CAMSAP1: variants seen among roughly 807,000 people sequenced by gnomAD.
The protein encoded by CAMSAP1 is calmodulin regulated spectrin associated protein 1.
In CAMSAP1, 58 loss-of-function variants were observed where a neutral mutation model predicts 143.5. The ratio of observed to expected loss-of-function variants is 0.40; its 90% CI spans 0.33 to 0.50. The LOEUF is 0.50. Ranked by LOEUF, CAMSAP1 falls within the 20% of genes least tolerant of loss-of-function variation. The probability of loss-of-function intolerance (pLI) is 0.45; values close to 1 mark genes in which losing one functional copy is unlikely to be tolerated. For synonymous variants in CAMSAP1, 945 were observed against 859.3 expected, an observed-to-expected ratio of 1.10 and a Z score of -1.74; for missense variants, 1,969 against 2,115.7, an observed-to-expected ratio of 0.93 and a Z score of 1.36.
In CAMSAP1 at chr9:135,821,806, G is replaced by C. The variant is rs1422507972; in HGVS notation, c.2855C>G (p.Ser952Cys). 6.2e-7 allele frequency: 1 copy of C among 1,613,994 alleles called. No individual in the cohort carries two copies. The highest frequency in any genetic ancestry group is 8.5e-7 in the Non-Finnish European group (1 of 1,179,892). ...HNGEDCGDAVSKTEDFLVKEE... is the reference protein window; with the variant it reads ...HNGEDCGDAVCKTEDFLVKEE... ...CTTCACGAGAAAGTCTTCGGTTTTG[G>C]AAACAGCGTCCCCACAGTCCTCCCC... The change falls in exon 11 of 17, where the codon TCC becomes TGC. Residue 952 changes from serine to cysteine, a missense_variant. Transcript: ENST00000389532. The surrounding 1 kb of genome is among the most constrained non-coding windows in gnomAD (Gnocchi z 4.6).
At chr9:135,903,360 T>A (rs984118132) in intron 1 of CAMSAP1, among the ~76,000 whole-genome samples, 18 of 152,194 alleles carry the variant, frequency 1.2e-4, no homozygotes, top group African/African-American at 4.3e-4. Context: ...ACACTGTCAA[T>A]GAAACAAGAG....
intron 3 of CAMSAP1, among the ~76,000 whole-genome samples, chr9:135,879,169 G>C (rs547412298): frequency 1.3e-5 from 2 of 152,256 alleles, no homozygotes; most frequent in South Asian, 4.1e-4. Context: ...AGTAGATCAT[G>C]TCCACAAATG....
rs1837982285 is a variant in CAMSAP1 at position 135,882,182 on chromosome 9, C to A, written c.424-388G>T. 6.6e-6 allele frequency among the ~76,000 whole-genome samples: 1 copy of A among 152,182 alleles called. No homozygotes were observed. The highest frequency in any genetic ancestry group is 2.4e-5 in the African/African-American group (1 of 41,434). On this transcript the variant is annotated intron_variant, in intron 2 of 16. Transcript: ENST00000389532. The surrounding 1 kb of genome is among the most constrained non-coding windows in gnomAD (Gnocchi z 4.9). Reference sequence around the variant, plus strand: ...GACCTGCCCCAGGCCAACTGCCCACCAGAGGCCTCTGGCTCCTAGTCCAGA... The same window carrying A: ...GACCTGCCCCAGGCCAACTGCCCACAAGAGGCCTCTGGCTCCTAGTCCAGA...
chr9:135,828,249 G>A (rs1309375129), intron 7 of CAMSAP1, among the ~76,000 whole-genome samples: 1 of 152,250 alleles, frequency 6.6e-6, no homozygotes, highest in Non-Finnish European at 1.5e-5. Context: ...ACCTATGGGA[G>A]GTGGTGCCAG....
At position 135,811,176 on chromosome 9, in the gene CAMSAP1, C is replaced by T; in HGVS notation, c.*133G>A. 3 of 1,055,518 alleles carry T rather than the reference C, an allele frequency of 2.8e-6. No homozygotes were observed. Among genetic ancestry groups the T allele is most frequent in the Non-Finnish European group, 4.1e-6 (3 of 737,596 alleles). 65.4% of individuals were successfully genotyped at this position (1,055,518 alleles called of 1,614,324 possible). A position where few individuals can be genotyped will look rare whatever the true frequency, so the allele number is the denominator to read the frequency against. ...GTCTAGAAACCTCTTTGCAAAAGGT[C>T]TGTGACTTTGCACACTTCGTACCCA... is the stretch of plus-strand genomic sequence containing the variant. On this transcript the variant is annotated 3_prime_UTR_variant, in exon 17 of 17. Transcript: ENST00000389532. This position sits in a 1 kb window ranked among gnomAD's most constrained non-coding sequence, Gnocchi z 4.9.
At chr9:135,827,613 C>A in intron 7 of CAMSAP1, 29 bp from the exon 8 acceptor site, 2 of 1,524,316 alleles carry the variant, frequency 1.3e-6, no homozygotes, top group Non-Finnish European at 1.8e-6. Context: ...TGCATCGTTA[C>A]TTACAACACT....
chr9:135,889,979 C>T (rs1348111191), intron 1 of CAMSAP1, among the ~76,000 whole-genome samples: 1 of 152,208 alleles, frequency 6.6e-6, no homozygotes, highest in African/African-American at 2.4e-5. Flanking sequence ...ACAAACTGCA[C>T]AGCCTGAGCC....
At chr9:135,901,559 A>G (rs1370111939) in intron 1 of CAMSAP1, among the ~76,000 whole-genome samples, 1 of 152,078 alleles carries the variant, frequency 6.6e-6, no homozygotes, top group Non-Finnish European at 1.5e-5. Context: ...AGGCTGCAGT[A>G]AGCTGTGATC....
intron 3 of CAMSAP1, among the ~76,000 whole-genome samples, chr9:135,872,101 C>CA (rs909060511): frequency 6.4e-4 from 91 of 142,198 alleles, no homozygotes; most frequent in South Asian, 1.1e-3. Context: ...ACTCCCATCT[C>CA]AAAAAAAAAA....
intron 7 of CAMSAP1, among the ~76,000 whole-genome samples, chr9:135,834,205 G>C (rs1409016717): frequency 1.3e-5 from 2 of 152,140 alleles, no homozygotes; most frequent in Non-Finnish European, 2.9e-5. Flanking sequence ...ACTGTTGGTG[G>C]GAACACAAAT....
At chr9:135,838,443 C>A (rs980791150) in intron 7 of CAMSAP1, among the ~76,000 whole-genome samples, 2 of 148,034 alleles carry the variant, frequency 1.4e-5, no homozygotes, top group African/African-American at 5.0e-5. Flanking sequence ...AGACACACAT[C>A]ATCACGCACT....
In CAMSAP1 at chr9:135,881,736, C is replaced by T. The variant is rs1386945127; in HGVS notation, c.482G>A (p.Ser161Asn). 2.6e-6 allele frequency: 4 copies of T among 1,551,876 alleles called. No individual in the cohort carries two copies. The South Asian group carries it at 4.8e-5, about 18-fold the overall frequency. ...LMMAYTVEMI[S>N]IEKVVASVKR... Reference sequence around the variant, plus strand: ...GACACTGGCCACCACCTTCTCGATGCTGATCATCTCCACAGTGTAGGCCAT... The same window carrying T: ...GACACTGGCCACCACCTTCTCGATGTTGATCATCTCCACAGTGTAGGCCAT... Residue 161 changes from serine (S) to asparagine (N), a missense_variant, in exon 3 of 17, where the codon AGC becomes AAC. Ser to Asn is a conservative substitution (Grantham distance 46, BLOSUM62 1). Transcript: ENST00000389532.
intron 1 of CAMSAP1, among the ~76,000 whole-genome samples, chr9:135,904,055 G>A (rs994610955): frequency 6.6e-6 from 1 of 152,202 alleles, no homozygotes; most frequent in Non-Finnish European, 1.5e-5. Context: ...TTTAAAGAGA[G>A]TCTCAATTTT....
Position 135,818,216 on chromosome 9 carries a change from C to A in CAMSAP1, c.4169-137G>T, listed in dbSNP as rs907388635. 28 of 1,144,188 alleles carry A rather than the reference C, an allele frequency of 2.4e-5. No individual in the cohort carries two copies. The highest frequency in any genetic ancestry group is 3.1e-5 in the Non-Finnish European group (25 of 812,144). 70.9% of individuals were successfully genotyped at this position (1,144,188 alleles called of 1,614,324 possible). ...GCGTCCCCACCCCATCCCGGGGAGCCGGGCTGCGCCTGGATGTGCCGCACA... is the reference window on the plus strand; with the variant it reads ...GCGTCCCCACCCCATCCCGGGGAGCAGGGCTGCGCCTGGATGTGCCGCACA... On this transcript the variant is annotated intron_variant, in intron 13 of 16. Coordinates refer to ENST00000389532, the MANE Select transcript of CAMSAP1 (RefSeq NM_015447.4). The surrounding 1 kb of genome is among the most constrained non-coding windows in gnomAD (Gnocchi z 7.7).
chr9:135,836,498 A>ACACTTTCTACCCTGTTCTACAGACACACC (rs1836046517), intron 7 of CAMSAP1: 1 of 976,582 alleles, frequency 1.0e-6, no homozygotes, highest in African/African-American at 1.9e-5. Context: ...ACAGACACAC[A>ACACTTTCTACCCTGTTCTACAGACACACC]TCACCACGCA....
rs537913732 is a variant in CAMSAP1, at chr9:135,905,735, AAAG to A, written c.160+1262_160+1264del. Among the ~76,000 whole-genome samples the A allele has an allele frequency of 3.0e-3, 450 of 152,386 alleles. 2 individuals carry two copies. The highest frequency in any genetic ancestry group is 5.1e-3 in the Non-Finnish European group (349 of 68,044). On this transcript the variant is annotated intron_variant, in intron 1 of 16. Coordinates refer to ENST00000389532, the MANE Select transcript of CAMSAP1 (RefSeq NM_015447.4). ...GGTGTAAGCACATGCGGCAAAATAC[AAAG>A]AAAAGCAAAACAGTGACTAACACAA...
intron 1 of CAMSAP1, among the ~76,000 whole-genome samples, chr9:135,906,207 T>C (rs1588518577): frequency 6.6e-6 from 1 of 152,364 alleles, no homozygotes; most frequent in East Asian, 1.9e-4. Flanking sequence ...CTGTCTCCTT[T>C]AGTCTTACTC....
rs939981368 is a variant in CAMSAP1, at chr9:135,826,016, T to C, written c.1224-1136A>G. 2 of 152,282 alleles carry C rather than the reference T, an allele frequency of 1.3e-5. No individual in the cohort carries two copies. The highest frequency in any genetic ancestry group is 4.8e-5 in the African/African-American group (2 of 41,432). 9.4% of individuals were successfully genotyped at this position (152,282 alleles called of 1,614,324 possible). A position where few individuals can be genotyped will look rare whatever the true frequency, so the allele number is the denominator to read the frequency against. On this transcript the variant is annotated intron_variant, in intron 8 of 16. Transcript: ENST00000389532. This position sits in a 1 kb window ranked among gnomAD's most constrained non-coding sequence, Gnocchi z 4.4. Reference sequence around the variant, plus strand: ...GGGCCACAATGCAAACCCTGCAGCCTGGACACCGTGGGGACAGTGGACCCA... The same window carrying C: ...GGGCCACAATGCAAACCCTGCAGCCCGGACACCGTGGGGACAGTGGACCCA...
chr9:135,893,347 AAGAAAAGGC>A (rs1454561626), intron 1 of CAMSAP1, among the ~76,000 whole-genome samples: 6 of 151,796 alleles, frequency 4.0e-5, no homozygotes, highest in Non-Finnish European at 8.8e-5. Context: ...AAAAAAGAAA[AAGAAAAGGC>A]AGGAAAGGCA....
Sources: gnomAD v4.1 joint callset for allele counts (sites outside exome capture counted in the v4.1 genomes callset) on GRCh38, gnomAD v4.1.1 for gene constraint, Gnocchi (gnomAD v3.1) non-coding constraint, MANE v1.5 for transcripts, NCBI Gene and HGNC (gene_info 2026-07-23, HGNC 2026-07-21) for gene names.